The following VAV3 variants were observed in gnomAD, a reference collection of about 807,000 sequenced individuals.
VAV3 encodes the protein guanine nucleotide exchange factor VAV3.
In VAV3, 94 loss-of-function variants were observed where a neutral mutation model predicts 131.2. The ratio of observed to expected loss-of-function variants is 0.72; its 90% CI spans 0.61 to 0.85. VAV3 has a LOEUF of 0.85. VAV3 is among the 40% of genes least tolerant of loss of function. The pLI, the probability that VAV3 is intolerant of heterozygous loss-of-function variation, is 0.00. For synonymous variants in VAV3, 349 were observed against 342.0 expected (o/e 1.02, Z -0.22); for missense variants, 939 against 1,002.7 (o/e 0.94, Z 0.86).
chr1:107,614,104 G>T (rs535140997), intron 21 of VAV3, among the ~76,000 whole-genome samples: 1 of 152,070 alleles, frequency 6.6e-6, no homozygotes, highest in African/African-American at 2.4e-5. Context: ...TCATCAGTGG[G>T]ATGGGTTTTC....
chr1:107,653,087 T>G (rs1030148684), intron 19 of VAV3, among the ~76,000 whole-genome samples: 12 of 151,768 alleles, frequency 7.9e-5, no homozygotes, highest in Admixed American at 5.3e-4. Flanking sequence ...GTAGAGAGCA[T>G]ATTCAGATGC....
intron 15 of VAV3, among the ~76,000 whole-genome samples, chr1:107,746,518 C>A (rs1462985210): frequency 6.6e-6 from 1 of 152,156 alleles, no homozygotes; most frequent in African/African-American, 2.4e-5. Context: ...AATTTAAATC[C>A]GTACATACCC....
At chr1:107,888,089 G>T (rs190720362) in intron 1 of VAV3, among the ~76,000 whole-genome samples, 42 of 152,110 alleles carry the variant, frequency 2.8e-4, no homozygotes, top group African/African-American at 9.6e-4. Flanking sequence ...AAAAAGAAAG[G>T]ATTAATGGTT....
At chr1:107,813,183 T>A (rs1008371270) in intron 2 of VAV3, among the ~76,000 whole-genome samples, 1 of 150,990 alleles carries the variant, frequency 6.6e-6, no homozygotes, top group African/African-American at 2.4e-5. Flanking sequence ...ATGAAATGCA[T>A]ATTACAAATA....
intron 2 of VAV3, among the ~76,000 whole-genome samples, chr1:107,782,376 T>C (rs1665739155): frequency 6.6e-6 from 1 of 152,210 alleles, no homozygotes; most frequent in South Asian, 2.1e-4. Context: ...AGCTTGATTT[T>C]TTTCATGAGT....
At chr1:107,922,907 G>C (rs982109178) in intron 1 of VAV3, among the ~76,000 whole-genome samples, 1 of 149,394 alleles carries the variant, frequency 6.7e-6, no homozygotes, top group Non-Finnish European at 1.5e-5. Flanking sequence ...AGCCGAGATC[G>C]CGCCACTGCA....
chr1:107,695,754 C>T (rs923681122), intron 17 of VAV3, among the ~76,000 whole-genome samples: 1 of 152,058 alleles, frequency 6.6e-6, no homozygotes, highest in Admixed American at 6.6e-5. Context: ...GGCATGGGCG[C>T]ATGATGGGTT....
At chr1:107,644,947 ATACTCGAG>A (rs1655626996) in intron 19 of VAV3, among the ~76,000 whole-genome samples, 1 of 65,144 alleles carries the variant, frequency 1.5e-5, no homozygotes, top group African/African-American at 3.7e-5. Flanking sequence ...TATACTCTGT[ATACTCGAG>A]TATACAGAGT....
intron 15 of VAV3, among the ~76,000 whole-genome samples, chr1:107,707,784 G>A (rs1415076430): frequency 3.3e-5 from 5 of 152,290 alleles, no homozygotes; most frequent in South Asian, 4.1e-4. Flanking sequence ...TACATGGTCC[G>A]TGGCCTGTGG....
chr1:107,867,591 A>G (rs191587188), intron 2 of VAV3, among the ~76,000 whole-genome samples: 290 of 152,280 alleles, frequency 1.9e-3, no homozygotes, highest in African/African-American at 6.6e-3. Context: ...TAGCCTTGGA[A>G]CAAGCTATCT....
chr1:107,716,381 A>C (rs191158056), intron 15 of VAV3, among the ~76,000 whole-genome samples: 45 of 152,324 alleles, frequency 3.0e-4, no homozygotes, highest in Non-Finnish European at 2.9e-4. Flanking sequence ...TAATCCCAGC[A>C]CTTTGGGAGG....
chr1:107,717,211 G>C (rs1157889091), intron 15 of VAV3, among the ~76,000 whole-genome samples: 3 of 151,986 alleles, frequency 2.0e-5, no homozygotes, highest in Admixed American at 6.6e-5. Flanking sequence ...CTGATTTTTT[G>C]AAGGGTTTTG....
chr1:107,939,537 C>G (rs1673883555), intron 1 of VAV3, among the ~76,000 whole-genome samples: 1 of 152,178 alleles, frequency 6.6e-6, no homozygotes, highest in Non-Finnish European at 1.5e-5. Context: ...AACTGTGATG[C>G]CAGCATTTTT....
At chr1:107,858,583 T>G (rs76762105) in intron 2 of VAV3, among the ~76,000 whole-genome samples, 3 of 152,268 alleles carry the variant, frequency 2.0e-5, no homozygotes, top group African/African-American at 7.2e-5. Context: ...CATAGAAGCA[T>G]GAAGCCTACT....
chr1:107,689,910 G>C (rs1659312085), intron 17 of VAV3, among the ~76,000 whole-genome samples: 1 of 152,166 alleles, frequency 6.6e-6, no homozygotes. Flanking sequence ...TTGCTTCACT[G>C]GTTTGCCCAG....
At chr1:107,834,511 T>C (rs1445660962) in intron 2 of VAV3, among the ~76,000 whole-genome samples, 3 of 152,070 alleles carry the variant, frequency 2.0e-5, no homozygotes, top group South Asian at 2.1e-4. Flanking sequence ...TTGATAACTC[T>C]ACACAATAGC....
At chr1:107,859,439 G>T (rs1169040898) in intron 2 of VAV3, among the ~76,000 whole-genome samples, 1 of 152,060 alleles carries the variant, frequency 6.6e-6, no homozygotes, top group African/African-American at 2.4e-5. Flanking sequence ...TACATTCCTT[G>T]TATTTAAACT....
Position 107,919,276 on chromosome 1 carries a change from C to T in VAV3, c.205-44259G>A, listed in dbSNP as rs557216647. 2.6e-5 allele frequency among the ~76,000 whole-genome samples: 4 copies of T among 152,242 alleles called. No individual in the cohort carries two copies. In the East Asian group the frequency reaches 5.8e-4, roughly 22 times the overall value. ...TCACTATGGAACTATTATACTACTG[C>T]TCATCAATTTAAGCATGTGATTACA... On this transcript the variant is annotated intron_variant, in intron 1 of 26. Coordinates refer to ENST00000370056, the MANE Select transcript of VAV3 (RefSeq NM_006113.5).
At chr1:107,794,342 T>G (rs1309499102) in intron 2 of VAV3, among the ~76,000 whole-genome samples, 5 of 105,078 alleles carry the variant, frequency 4.8e-5, no homozygotes, top group African/African-American at 1.6e-4. Context: ...TTAGCTTGAT[T>G]CATCATTTTC....
Sources: allele counts gnomAD v4.1 joint callset (sites outside exome capture counted in the v4.1 genomes callset), GRCh38; gene constraint gnomAD v4.1.1; transcripts MANE v1.5; gene names NCBI Gene and HGNC (gene_info 2026-07-23, HGNC 2026-07-21).